The following ANKRD2 variants were observed in gnomAD, a reference collection of about 807,000 sequenced individuals.
ANKRD2 encodes ankyrin repeat domain 2, also known as ankyrin repeat domain-containing protein 2.
Under a neutral mutation model 37.3 loss-of-function variants are expected in ANKRD2, and 35 were observed. The observed-to-expected ratio is 0.94, with a 90% CI of 0.72 to 1.24. ANKRD2 has a LOEUF of 1.24. Among genes scored for constraint, ANKRD2 ranks in the 50% most tolerant of loss-of-function variants. The probability of loss-of-function intolerance (pLI) is 0.00; values close to 1 mark genes in which losing one functional copy is unlikely to be tolerated. For missense variants in ANKRD2, 410 were observed against 445.6 expected (o/e 0.92, Z 0.72); for synonymous variants, 159 against 186.5 (o/e 0.85, Z 1.20).
At chr10:97,572,743 T>G (rs2040774284), upstream of ANKRD2, 1 of 1,604,978 alleles carries the variant, frequency 6.2e-7, no homozygotes, top group African/African-American at 1.3e-5. Context: ...GGGTGGGTGC[T>G]CTGGCCTATA....
intron 6 of ANKRD2, among the ~76,000 whole-genome samples, chr10:97,582,072 T>G (rs886288126): frequency 6.6e-5 from 10 of 152,106 alleles, no homozygotes; most frequent in Non-Finnish European, 2.9e-5. Flanking sequence ...GGTAGAAGAG[T>G]GAGCAGCTGG....
chr10:97,581,975 A>G (rs2040903756), intron 6 of ANKRD2, among the ~76,000 whole-genome samples: 1 of 152,256 alleles, frequency 6.6e-6, no homozygotes, highest in Admixed American at 6.5e-5. Flanking sequence ...TTTATTCAAC[A>G]TAAGGCAAAT....
chr10:97,582,149 G>T (rs1214476585), intron 6 of ANKRD2, among the ~76,000 whole-genome samples, 166 bp from the exon 7 acceptor site: 2 of 152,196 alleles, frequency 1.3e-5, no homozygotes, highest in East Asian at 3.8e-4. Flanking sequence ...TTAGGCCATT[G>T]GATAGGATGG....
intron 4 of ANKRD2, 52 bp from the exon 5 acceptor site, chr10:97,580,803 G>C: frequency 1.4e-6 from 2 of 1,417,454 alleles, no homozygotes; most frequent in Non-Finnish European, 2.0e-6. Context: ...GGTGGGAGAT[G>C]GGCTCAGGCC....
At position 97,580,227 on chromosome 10, in the gene ANKRD2, T is replaced by C. The variant is rs954984538; in HGVS notation, c.457-628T>C. Among the ~76,000 whole-genome samples the C allele has an allele frequency of 1.1e-4, 16 of 152,290 alleles. 1 individual carries two copies. Among genetic ancestry groups the C allele is most frequent in the Middle Eastern group, 6.8e-3 (2 of 294 alleles). On this transcript the variant is annotated intron_variant, in intron 4 of 8. Transcript: ENST00000370655. ...GGTTGGTTCCTTGGGGAGACTGACA[T>C]GTAACCAGATCATTAGAATAAGGAA... is the stretch of plus-strand genomic sequence containing the variant.
chr10:97,581,140 C>A (rs935459871), intron 5 of ANKRD2, among the ~76,000 whole-genome samples, 176 bp from the exon 6 acceptor site: 4 of 152,202 alleles, frequency 2.6e-5, no homozygotes, highest in Non-Finnish European at 4.4e-5. Flanking sequence ...GTGAGTCTGG[C>A]TTGGACCAGA....
rs752356165 is a variant in ANKRD2 at position 97,581,421 on chromosome 10, C to CA, written c.654+12dup. On this transcript the variant is annotated splice_region_variant and intron_variant, in intron 6 of 8. Transcript: ENST00000370655. ...CACCAATGTGAGGGATAAGGTGAGG[C>CA]AAAAACACTCAGAAGCAACAGATAT... 8.9e-5 allele frequency: 144 copies of CA among 1,613,550 alleles called. No homozygotes were observed. The African/African-American group carries it at 1.7e-3, about 19-fold the overall frequency.
At chr10:97,578,054 T>A (rs1447566318) in intron 2 of ANKRD2, among the ~76,000 whole-genome samples, 153 bp downstream of exon 2, 1 of 152,006 alleles carries the variant, frequency 6.6e-6, no homozygotes, top group Non-Finnish European at 1.5e-5. Context: ...GTCCCAGAAC[T>A]ACTGAGTCAG....
At chr10:97,577,623 C>T (rs1318808713) in intron 1 of ANKRD2, among the ~76,000 whole-genome samples, 177 bp from the exon 2 acceptor site, 1 of 152,166 alleles carries the variant, frequency 6.6e-6, no homozygotes, top group Non-Finnish European at 1.5e-5. Flanking sequence ...GTGGGGAACT[C>T]ACCCCTTTTG....
Position 97,578,241 on chromosome 10 carries a change from G to A in ANKRD2, c.191G>A (p.Gly64Asp), listed in dbSNP as rs2040850375. 6.2e-7 allele frequency: 1 copy of A among 1,612,120 alleles called. No individual in the cohort carries two copies. The highest frequency in any genetic ancestry group is 8.5e-7 in the Non-Finnish European group (1 of 1,179,664). ...GGGTTGATGGGCCATCCCGCGCAGG[G>A]CCAAGAGCGCGTGCGCAAGACGTCC... is the stretch of plus-strand genomic sequence containing the variant. ...AQSAALQKVKGQERVRKTSLD... is the reference protein window; with the variant it reads ...AQSAALQKVKDQERVRKTSLD... The change falls in exon 3 of 9, where the codon GGC becomes GAC. Residue 64 changes from glycine to aspartate, a missense_variant and splice_region_variant. Transcript: ENST00000370655.
Position 97,583,874 on chromosome 10 carries a change from G to C in ANKRD2, c.*149G>C. 1 of 913,810 alleles carries C rather than the reference G, an allele frequency of 1.1e-6. No individual in the cohort carries two copies. Among genetic ancestry groups the C allele is most frequent in the Non-Finnish European group, 1.5e-6 (1 of 673,430 alleles). 56.6% of individuals were successfully genotyped at this position (913,810 alleles called of 1,614,324 possible). A position where few individuals can be genotyped will look rare whatever the true frequency, so the allele number is the denominator to read the frequency against. ...CACAAACTACCACAATAAAAAAGCT[G>C]TTTTTGCTAATTGCGATGTTCATTT... is the stretch of plus-strand genomic sequence containing the variant. On this transcript the variant is annotated 3_prime_UTR_variant, in exon 9 of 9. Transcript: ENST00000370655.
chr10:97,581,680 G>T (rs1319495145), intron 6 of ANKRD2, among the ~76,000 whole-genome samples: 1 of 152,236 alleles, frequency 6.6e-6, no homozygotes, highest in Non-Finnish European at 1.5e-5. Flanking sequence ...GACTCACTGT[G>T]TTGGGGGCTT....
chr10:97,576,577 A>G (rs930149277), intron 1 of ANKRD2, among the ~76,000 whole-genome samples: 1 of 152,156 alleles, frequency 6.6e-6, no homozygotes, highest in African/African-American at 2.4e-5. Context: ...AGAGCTGCCA[A>G]ATTTTATATT....
At chr10:97,578,147 C>CCCCCCCCCCCCCCCCCCCCAA in intron 2 of ANKRD2, 93 bp from the exon 3 acceptor site, 3 of 718,820 alleles carry the variant, frequency 4.2e-6, no homozygotes, top group Non-Finnish European at 6.8e-6. Context: ...TCTTCCTGCC[C>CCCCCCCCCCCCCCCCCCCCAA]ACCCCACCCT....
chr10:97,578,144 G>GGGCCCCCCCCC, intron 2 of ANKRD2, 96 bp from the exon 3 acceptor site: 13 of 685,382 alleles, frequency 1.9e-5, no homozygotes, highest in Admixed American at 2.6e-5. Flanking sequence ...GGGTCTTCCT[G>GGGCCCCCCCCC]CCCACCCCAC....
intron 7 of ANKRD2, 87 bp from the exon 8 acceptor site, chr10:97,582,517 C>T: frequency 6.4e-7 from 1 of 1,571,102 alleles, no homozygotes. Context: ...GACTTGGCTC[C>T]TGAGCAGGGT....
chr10:97,578,611 G>A lies in ANKRD2; in HGVS notation c.456+6G>A, dbSNP rs1443851539. On this transcript the variant is annotated splice_donor_region_variant and intron_variant, in intron 4 of 8. Transcript: ENST00000370655. Reference sequence around the variant, plus strand: ...CAGCCGACACGTGCGACCAGGTGATGCTCCTAGCCGCCCCTGACCAGCCTC... The same window carrying A: ...CAGCCGACACGTGCGACCAGGTGATACTCCTAGCCGCCCCTGACCAGCCTC... 6 of 1,545,646 alleles carry A rather than the reference G, an allele frequency of 3.9e-6. No homozygotes were observed. Among genetic ancestry groups the A allele is most frequent in the Non-Finnish European group, 5.2e-6 (6 of 1,143,222 alleles).
intron 2 of ANKRD2, 59 bp from the exon 3 acceptor site, chr10:97,578,181 C>T (rs1195941356): frequency 1.7e-6 from 1 of 592,074 alleles, no homozygotes; most frequent in South Asian, 1.5e-5. Context: ...GCTCAGAGGT[C>T]TCCCAAGCCC....
chr10:97,578,160 C>CCCCCCCCCTTG, intron 2 of ANKRD2, 80 bp from the exon 3 acceptor site: 2 of 1,314,454 alleles, frequency 1.5e-6, no homozygotes, highest in South Asian at 1.3e-5. Flanking sequence ...CCCACCCTCC[C>CCCCCCCCCTTG]CACCAGCTTA....
Sources: gnomAD v4.1 joint callset for allele counts (sites outside exome capture counted in the v4.1 genomes callset) on GRCh38, gnomAD v4.1.1 for gene constraint, MANE v1.5 for transcripts, NCBI Gene and HGNC (gene_info 2026-07-23, HGNC 2026-07-21) for gene names.